RBM33: variants seen among roughly 807,000 people sequenced by gnomAD.
RBM33 encodes RNA-binding protein 33.
A neutral mutation model predicts 132.6 loss-of-function variants in RBM33; 28 were observed. The ratio of observed to expected loss-of-function variants is 0.21; its 90% CI spans 0.16 to 0.29. The LOEUF is 0.29. RBM33 is among the 10% of genes least tolerant of loss of function. RBM33 has a pLI of 1.00. For missense variants in RBM33, 1,291 were observed against 1,518.5 expected (o/e 0.85, Z 2.49); for synonymous variants, 634 against 593.0 (o/e 1.07, Z -1.01).
chr7:155,771,336 G>GTT (rs1802420178), intron 16 of RBM33, among the ~76,000 whole-genome samples: 1 of 152,162 alleles, frequency 6.6e-6, no homozygotes, highest in South Asian at 2.1e-4. Flanking sequence ...GTCAAAAATG[G>GTT]TTGAATATTG....
rs1165488763 is a variant in RBM33 at position 155,745,460 on chromosome 7, C to T, written c.2837C>T (p.Thr946Ile). Residue 946 changes from threonine (T) to isoleucine (I), a missense_variant, in exon 14 of 18, where the codon ACT becomes ATT. Transcript: ENST00000401878. The surrounding 1 kb of genome is among the most constrained non-coding windows in gnomAD (Gnocchi z 4.1). ...GTGGAGGAGCCAGCTGTCCCCCAGA[C>T]TCCTCGAGTGGCGTCCATCCAGGGC... ...ADVEEPAVPQ[T>I]PRVASIQGRP... 2 of 1,613,908 alleles carry T rather than the reference C, an allele frequency of 1.2e-6. No homozygotes were observed. Among genetic ancestry groups the T allele is most frequent in the Non-Finnish European group, 1.7e-6 (2 of 1,179,866 alleles).
At chr7:155,750,011 T>C (rs1216431652) in intron 14 of RBM33, among the ~76,000 whole-genome samples, 2 of 152,218 alleles carry the variant, frequency 1.3e-5, no homozygotes, top group African/African-American at 2.4e-5. Context: ...TCCATTTTTT[T>C]CCCACTCATT....
intron 16 of RBM33, among the ~76,000 whole-genome samples, chr7:155,773,281 G>A (rs572469522): frequency 3.3e-5 from 5 of 152,160 alleles, no homozygotes; most frequent in East Asian, 1.9e-4. Flanking sequence ...TAGAAGAATC[G>A]GGCACCAGGT....
chr7:155,646,070 C>T (rs545673102), intron 1 of RBM33, among the ~76,000 whole-genome samples: 20 of 152,234 alleles, frequency 1.3e-4, no homozygotes, highest in Admixed American at 3.9e-4. Flanking sequence ...TTCTGGGGGT[C>T]AGAATTACTT....
intron 5 of RBM33, among the ~76,000 whole-genome samples, chr7:155,683,509 GC>G (rs1406369168): frequency 2.0e-5 from 3 of 152,182 alleles, no homozygotes; most frequent in African/African-American, 7.2e-5. Context: ...ACATGGAGGG[GC>G]TTTGGTGCAT....
chr7:155,698,424 A>G (rs2116953781), intron 5 of RBM33, among the ~76,000 whole-genome samples: 1 of 152,284 alleles, frequency 6.6e-6, no homozygotes, highest in Non-Finnish European at 1.5e-5. Flanking sequence ...TTAGTTTTCT[A>G]AACCATATGG....
chr7:155,673,313 CAT>C (rs1798996195), intron 3 of RBM33, among the ~76,000 whole-genome samples: 2 of 151,700 alleles, frequency 1.3e-5, no homozygotes, highest in Admixed American at 1.3e-4. Context: ...ATATAATAAA[CAT>C]TAAAATAAAT....
intron 1 of RBM33, among the ~76,000 whole-genome samples, chr7:155,647,888 T>C (rs1235808854): frequency 2.0e-5 from 3 of 152,120 alleles, no homozygotes; most frequent in Non-Finnish European, 4.4e-5. Context: ...GAACAAATAG[T>C]TTAATGAGTT....
At chr7:155,707,105 C>G in intron 7 of RBM33, 37 bp downstream of exon 7, 3 of 1,488,046 alleles carry the variant, frequency 2.0e-6, no homozygotes, top group Non-Finnish European at 2.7e-6. Context: ...CCTAGAACTT[C>G]AGAACAAATG....
At chr7:155,713,441 C>T (rs1800365104) in intron 8 of RBM33, among the ~76,000 whole-genome samples, 1 of 151,690 alleles carries the variant, frequency 6.6e-6, no homozygotes, top group Admixed American at 6.6e-5. Context: ...GAGAACCCGT[C>T]AGGGAGGCCA....
chr7:155,742,134 T>C (rs757045837), intron 13 of RBM33, 28 bp downstream of exon 13: 5 of 1,575,784 alleles, frequency 3.2e-6, no homozygotes, highest in East Asian at 2.3e-5. Flanking sequence ...TTAACAAATG[T>C]TGGTCTCAAA....
At chr7:155,718,950 TTCTC>T (rs531813626) in intron 9 of RBM33, among the ~76,000 whole-genome samples, 19 of 151,050 alleles carry the variant, frequency 1.3e-4, no homozygotes, top group South Asian at 4.2e-4. Flanking sequence ...AAAGCATATA[TTCTC>T]TCTCTCTCTC....
intron 5 of RBM33, among the ~76,000 whole-genome samples, chr7:155,692,519 C>A (rs900733570): frequency 1.3e-5 from 2 of 152,216 alleles, no homozygotes; most frequent in East Asian, 3.8e-4. Flanking sequence ...GCAGAGAAGT[C>A]CTTCCTGTAA....
chr7:155,657,010 G>A (rs1007748771), intron 1 of RBM33, among the ~76,000 whole-genome samples: 4 of 151,720 alleles, frequency 2.6e-5, no homozygotes, highest in African/African-American at 9.7e-5. Flanking sequence ...ACAGTGCCTG[G>A]CATATATTAT....
At chr7:155,677,391 GTA>G (rs1799215666) in intron 3 of RBM33, among the ~76,000 whole-genome samples, 1 of 151,966 alleles carries the variant, frequency 6.6e-6, no homozygotes, top group Non-Finnish European at 1.5e-5. Context: ...TGTACTTTTA[GTA>G]GAGTCAGGGT....
At chr7:155,698,015 G>A (rs1469376994) in intron 5 of RBM33, among the ~76,000 whole-genome samples, 1 of 152,128 alleles carries the variant, frequency 6.6e-6, no homozygotes, top group Non-Finnish European at 1.5e-5. Flanking sequence ...TGTTGTAGCA[G>A]CACACTACCC....
intron 5 of RBM33, among the ~76,000 whole-genome samples, chr7:155,684,039 A>G (rs984384933): frequency 1.3e-5 from 2 of 152,164 alleles, no homozygotes; most frequent in Non-Finnish European, 1.5e-5. Flanking sequence ...ATAGGACGCT[A>G]ACAGTTTTTT....
chr7:155,721,249 C>T (rs1009879453), intron 9 of RBM33, among the ~76,000 whole-genome samples: 4 of 152,148 alleles, frequency 2.6e-5, no homozygotes, highest in Admixed American at 1.3e-4. Context: ...GAGTCCCGGT[C>T]ATCCTGTGCT....
At chr7:155,707,182 A>T in intron 7 of RBM33, 114 bp downstream of exon 7, 1 of 948,924 alleles carries the variant, frequency 1.1e-6, no homozygotes. Flanking sequence ...AAAGGTTAGT[A>T]GCAGGGGTAA....
Sources: gnomAD v4.1 joint callset for allele counts (sites outside exome capture counted in the v4.1 genomes callset) on GRCh38, gnomAD v4.1.1 for gene constraint, Gnocchi (gnomAD v3.1) non-coding constraint, MANE v1.5 for transcripts, NCBI Gene and HGNC (gene_info 2026-07-23, HGNC 2026-07-21) for gene names.